The following KLF8 variants were observed in gnomAD, a reference collection of about 807,000 sequenced individuals.
KLF8 encodes the protein Krueppel-like factor 8.
In KLF8, 10 loss-of-function variants were observed where a neutral mutation model predicts 18.2. The observed-to-expected ratio is 0.55, with a 90% confidence interval of 0.34 to 0.93. KLF8 has a LOEUF of 0.93. Ranked by LOEUF, KLF8 falls within the 40% of genes least tolerant of loss-of-function variation. The probability of loss-of-function intolerance (pLI) is 0.02; values close to 1 mark genes in which losing one functional copy is unlikely to be tolerated. For missense variants in KLF8, 264 were observed against 277.9 expected (o/e 0.95, Z 0.36); for synonymous variants, 109 against 97.3 (o/e 1.12, Z -0.71).
chrX:55,937,536 C>T, the KLF8 span, among the ~76,000 whole-genome samples: 3 of 112,284 alleles, frequency 2.7e-5, no homozygotes, highest in Non-Finnish European at 3.8e-5. Context: ...ATGACTTTGA[C>T]GAGTTGAGAG....
chrX:56,134,195 A>T, the KLF8 span, among the ~76,000 whole-genome samples: 1 of 111,432 alleles, frequency 9.0e-6, no homozygotes, highest in Non-Finnish European at 1.9e-5. Context: ...CAAAAAAAAA[A>T]TTTTGCATAG....
chrX:56,164,751 CTT>C, the KLF8 span, among the ~76,000 whole-genome samples: 44 of 35,933 alleles, frequency 1.2e-3, no homozygotes, highest in African/African-American at 4.7e-3. Flanking sequence ...TTTTTTTTAA[CTT>C]TTTTTTTTTT....
chrX:56,181,070 T>C, the KLF8 span, among the ~76,000 whole-genome samples: 1 of 111,429 alleles, frequency 9.0e-6, no homozygotes, highest in East Asian at 2.8e-4. Flanking sequence ...GGTACTAAAG[T>C]CTCCCATTAT....
At chrX:55,919,713 C>T in the KLF8 span, among the ~76,000 whole-genome samples, 2 of 111,356 alleles carry the variant, frequency 1.8e-5, no homozygotes, top group Admixed American at 9.5e-5. Context: ...ACAGCAGCCA[C>T]AGCAAGCCCG....
At chrX:56,166,069 T>C in the KLF8 span, among the ~76,000 whole-genome samples, 2 of 109,920 alleles carry the variant, frequency 1.8e-5, no homozygotes, top group Non-Finnish European at 3.8e-5. Context: ...CTCTTTGAAG[T>C]AAAACAGCAT....
the KLF8 span, among the ~76,000 whole-genome samples, chrX:55,946,130 A>T: frequency 9.0e-6 from 1 of 111,676 alleles, no homozygotes; most frequent in Non-Finnish European, 1.9e-5. Context: ...AATTGGAAAA[A>T]ACTACTTTAA....
the KLF8 span, among the ~76,000 whole-genome samples, chrX:56,122,355 T>C: frequency 8.9e-6 from 1 of 111,974 alleles, no homozygotes; most frequent in Non-Finnish European, 1.9e-5. Flanking sequence ...TTTAACCTTT[T>C]TCAGCATCTG....
At chrX:56,107,518 C>T in the KLF8 span, among the ~76,000 whole-genome samples, 12 of 111,921 alleles carry the variant, frequency 1.1e-4, no homozygotes, top group South Asian at 7.5e-4. Context: ...ACATGGGACC[C>T]GCCAAGCCCG....
chrX:56,169,824 C>T, the KLF8 span, among the ~76,000 whole-genome samples: 9 of 111,509 alleles, frequency 8.1e-5, no homozygotes, highest in East Asian at 2.0e-3. Flanking sequence ...GATTGTAATG[C>T]CCCAGGGCCT....
intron 5 of KLF8, among the ~76,000 whole-genome samples, chrX:56,278,251 G>A (rs2067147688): frequency 9.0e-6 from 1 of 111,720 alleles, no homozygotes; most frequent in South Asian, 3.8e-4. Context: ...GCTTGGGAAT[G>A]TGCTGAGTCT....
At chrX:56,171,243 T>C in the KLF8 span, among the ~76,000 whole-genome samples, 1 of 112,061 alleles carries the variant, frequency 8.9e-6, no homozygotes, top group East Asian at 2.8e-4. Flanking sequence ...CAAAAAGATA[T>C]AAATAGAAAC....
intron 2 of KLF8, among the ~76,000 whole-genome samples, chrX:56,253,502 A>G (rs1269960738): frequency 9.0e-6 from 1 of 111,377 alleles, no homozygotes; most frequent in African/African-American, 3.3e-5. Flanking sequence ...GCACCTTTGT[A>G]AAAAATGAAT....
chrX:56,231,399 T>C (rs1450724652), upstream of KLF8, among the ~76,000 whole-genome samples: 1 of 112,011 alleles, frequency 8.9e-6, no homozygotes, highest in Non-Finnish European at 1.9e-5. Context: ...AATATAACAG[T>C]ACCTAGTTCC....
the KLF8 span, among the ~76,000 whole-genome samples, chrX:56,160,296 C>G: frequency 2.7e-5 from 3 of 111,470 alleles, no homozygotes; most frequent in African/African-American, 9.8e-5. Flanking sequence ...GCTAAGGAGA[C>G]CTTTACTTCC....
At chrX:56,219,523 A>C in the KLF8 span, among the ~76,000 whole-genome samples, 9 of 112,197 alleles carry the variant, frequency 8.0e-5, no homozygotes, top group East Asian at 2.5e-3. Context: ...TAAATGGAAA[A>C]AATGAAAATA....
intron 1 of KLF8, among the ~76,000 whole-genome samples, chrX:56,239,830 T>A (rs5960665): frequency 0.028 from 3,163 of 112,064 alleles, 129 homozygotes; most frequent in African/African-American, 0.097. Context: ...TTTAAAAAAA[T>A]TGGTTATTTC....
chrX:56,065,562 G>A, the KLF8 span, among the ~76,000 whole-genome samples: 2 of 109,742 alleles, frequency 1.8e-5, no homozygotes, highest in Non-Finnish European at 1.9e-5. Flanking sequence ...TTTTTCATTG[G>A]ATCTGTTGCT....
chrX:56,005,556 A>G, the KLF8 span, among the ~76,000 whole-genome samples: 3 of 112,143 alleles, frequency 2.7e-5, no homozygotes, highest in Non-Finnish European at 5.6e-5. Context: ...TTCAGCCTTC[A>G]TGCACATGTT....
intron 5 of KLF8, among the ~76,000 whole-genome samples, chrX:56,270,818 A>G (rs1413175899): frequency 9.0e-6 from 1 of 110,555 alleles, no homozygotes; most frequent in African/African-American, 3.3e-5. Flanking sequence ...TAAAAAAAAA[A>G]GGTGCACATA....
Sources: allele counts gnomAD v4.1 joint callset (sites outside exome capture counted in the v4.1 genomes callset), GRCh38; gene constraint gnomAD v4.1.1; transcripts MANE v1.5; gene names NCBI Gene and HGNC (gene_info 2026-07-23, HGNC 2026-07-21).